The following TMEM45A variants were observed in gnomAD, a reference collection of about 807,000 sequenced individuals.
TMEM45A encodes transmembrane protein 45A.
A neutral mutation model predicts 32.0 loss-of-function variants in TMEM45A; 25 were observed. The ratio of observed to expected loss-of-function variants is 0.78; its 90% CI spans 0.57 to 1.09. TMEM45A has a LOEUF of 1.09. Among genes scored for constraint, TMEM45A ranks in the 50% least tolerant of loss-of-function variants. The probability of loss-of-function intolerance (pLI) is 0.00; values close to 1 mark genes in which losing one functional copy is unlikely to be tolerated. For missense variants in TMEM45A, 302 were observed against 325.0 expected, an observed-to-expected ratio of 0.93 and a Z score of 0.54; for synonymous variants, 122 against 114.8, an observed-to-expected ratio of 1.06 and a Z score of -0.40.
intron 1 of TMEM45A, among the ~76,000 whole-genome samples, chr3:100,542,761 A>T (rs537394647): frequency 6.6e-6 from 1 of 152,320 alleles, no homozygotes; most frequent in African/African-American, 2.4e-5. Context: ...TGGACCCATT[A>T]TCCTAGGTGA....
chr3:100,575,157 T>C (rs886705514), intron 5 of TMEM45A, among the ~76,000 whole-genome samples: 26 of 152,302 alleles, frequency 1.7e-4, no homozygotes, highest in African/African-American at 6.3e-4. Flanking sequence ...CCTATGTATT[T>C]CTGGGAGTTA....
At chr3:100,553,066 G>C (rs1706140921) in intron 1 of TMEM45A, among the ~76,000 whole-genome samples, 1 of 152,206 alleles carries the variant, frequency 6.6e-6, no homozygotes, top group Non-Finnish European at 1.5e-5. Context: ...CTGGTAGTTA[G>C]AGGTAGGTTG....
Position 100,576,370 on chromosome 3 carries a change from A to G in TMEM45A, c.735-555A>G, listed in dbSNP as rs187034223. Among the ~76,000 whole-genome samples the G allele has an allele frequency of 3.1e-3, 472 of 152,240 alleles. 2 individuals carry two copies. In the Middle Eastern group the frequency reaches 0.034, roughly 11 times the overall value. On this transcript the variant is annotated intron_variant, in intron 5 of 5. Coordinates refer to ENST00000323523, the MANE Select transcript of TMEM45A (RefSeq NM_018004.3). ...GGAGGCTGAGGCAGAGAATTGCTTG[A>G]ACCCGGGAAGCAGAGGTTGCAGTGA...
intron 1 of TMEM45A, among the ~76,000 whole-genome samples, chr3:100,519,875 G>T (rs1705402352): frequency 1.3e-5 from 2 of 152,168 alleles, no homozygotes; most frequent in Non-Finnish European, 2.9e-5. Context: ...TGCCTTAAAT[G>T]CTTCTCTTGA....
intron 1 of TMEM45A, among the ~76,000 whole-genome samples, chr3:100,528,540 T>G (rs899212009): frequency 6.6e-6 from 1 of 152,138 alleles, no homozygotes; most frequent in African/African-American, 2.4e-5. Flanking sequence ...GAAGGAGACT[T>G]CAGCTCACTT....
intron 1 of TMEM45A, among the ~76,000 whole-genome samples, chr3:100,513,816 T>G (rs1267439534): frequency 6.6e-6 from 1 of 152,132 alleles, no homozygotes; most frequent in Admixed American, 6.5e-5. Flanking sequence ...ATCACAAGCA[T>G]TCTTATACAC....
intron 1 of TMEM45A, among the ~76,000 whole-genome samples, chr3:100,510,761 T>C (rs1286815872): frequency 6.6e-6 from 1 of 151,852 alleles, no homozygotes; most frequent in Non-Finnish European, 1.5e-5. Context: ...GAATAACCAA[T>C]ACAGAGAAGT....
intron 1 of TMEM45A, among the ~76,000 whole-genome samples, chr3:100,553,202 G>A (rs773295695): frequency 6.6e-6 from 1 of 152,238 alleles, no homozygotes; most frequent in Non-Finnish European, 1.5e-5. Flanking sequence ...GCACTGAGGG[G>A]TTAAGTAACT....
chr3:100,507,822 C>G (rs1708098792), intron 1 of TMEM45A, among the ~76,000 whole-genome samples: 1 of 151,936 alleles, frequency 6.6e-6, no homozygotes, highest in Non-Finnish European at 1.5e-5. Context: ...CTTCTGCCCT[C>G]TCTATGTTTT....
At chr3:100,558,642 T>C in intron 4 of TMEM45A, 53 bp downstream of exon 4, 2 of 1,571,956 alleles carry the variant, frequency 1.3e-6, no homozygotes, top group Non-Finnish European at 1.7e-6. Flanking sequence ...GTAACTTCTC[T>C]GTTTATTTGA....
chr3:100,559,191 C>A (rs1307580819), intron 4 of TMEM45A, among the ~76,000 whole-genome samples: 6 of 152,126 alleles, frequency 3.9e-5, no homozygotes, highest in Non-Finnish European at 7.3e-5. Context: ...AACATGAATT[C>A]CAATCAGTAA....
At chr3:100,543,744 T>G (rs1463627195) in intron 1 of TMEM45A, among the ~76,000 whole-genome samples, 1 of 152,216 alleles carries the variant, frequency 6.6e-6, no homozygotes, top group Non-Finnish European at 1.5e-5. Context: ...TCATCCTTTG[T>G]CATTTATGTT....
chr3:100,576,337 G>A (rs1442322361), intron 5 of TMEM45A, among the ~76,000 whole-genome samples: 3 of 152,176 alleles, frequency 2.0e-5, no homozygotes, highest in Non-Finnish European at 4.4e-5. Context: ...TGTAATTCCA[G>A]CTACTCAGGA....
rs146821819 is a variant in TMEM45A at position 100,566,388 on chromosome 3, G to C, written c.589-2434G>C. On this transcript the variant is annotated intron_variant, in intron 4 of 5. Transcript: ENST00000323523. ...ATCCCAATAAAAAATTAGATAGATA[G>C]ATAAATGGATGAATGTATTTCAGGT... Among the ~76,000 whole-genome samples, 882 of 152,230 alleles carry C rather than the reference G, an allele frequency of 5.8e-3. 7 individuals carry two copies. The highest frequency in any genetic ancestry group is 0.02 in the African/African-American group (816 of 41,548).
intron 5 of TMEM45A, 62 bp downstream of exon 5, chr3:100,569,029 G>A: frequency 1.4e-5 from 21 of 1,503,454 alleles, no homozygotes; most frequent in Non-Finnish European, 1.9e-5. Flanking sequence ...TCAAGACTCA[G>A]TGGTATTGAA....
intron 1 of TMEM45A, among the ~76,000 whole-genome samples, chr3:100,523,115 T>G (rs1272158543): frequency 6.6e-6 from 1 of 152,242 alleles, no homozygotes; most frequent in East Asian, 1.9e-4. Flanking sequence ...TCACATGACT[T>G]CCACAGGTTC....
intron 4 of TMEM45A, among the ~76,000 whole-genome samples, chr3:100,564,995 G>A (rs993301623): frequency 4.6e-5 from 7 of 152,246 alleles, no homozygotes; most frequent in African/African-American, 1.4e-4. Context: ...ACTGTCCTTC[G>A]TATTGCCCCA....
intron 1 of TMEM45A, among the ~76,000 whole-genome samples, chr3:100,502,725 C>T (rs1708022916): frequency 6.6e-6 from 1 of 152,134 alleles, no homozygotes; most frequent in African/African-American, 2.4e-5. Context: ...CCTGCTTTGG[C>T]CTCCCAAAGT....
At chr3:100,525,383 T>G (rs1705522337) in intron 1 of TMEM45A, among the ~76,000 whole-genome samples, 1 of 152,218 alleles carries the variant, frequency 6.6e-6, no homozygotes, top group Non-Finnish European at 1.5e-5. Context: ...CATATGTGTC[T>G]TGCACTGTGT....
Sources: allele counts gnomAD v4.1 joint callset (sites outside exome capture counted in the v4.1 genomes callset), GRCh38; gene constraint gnomAD v4.1.1; transcripts MANE v1.5; gene names NCBI Gene and HGNC (gene_info 2026-07-23, HGNC 2026-07-21).